The following AGBL4 variants were observed in gnomAD, a reference collection of about 807,000 sequenced individuals.
The protein encoded by AGBL4 is AGBL carboxypeptidase 4, also known as cytosolic carboxypeptidase 6.
In AGBL4, 58 loss-of-function variants were observed where a neutral mutation model predicts 66.4. The observed-to-expected ratio is 0.87, with a 90% confidence interval of 0.71 to 1.09. The LOEUF (loss-of-function observed/expected upper bound fraction) is 1.09, where lower values mean the gene tolerates loss of function less well. Ranked by LOEUF, AGBL4 falls within the 50% of genes least tolerant of loss-of-function variation. AGBL4 has a pLI of 0.00. For missense variants in AGBL4, 579 were observed against 631.0 expected, an observed-to-expected ratio of 0.92 and a Z score of 0.88; for synonymous variants, 234 against 222.9, an observed-to-expected ratio of 1.05 and a Z score of -0.44.
chr1:48,930,239 A>AT (rs200102639), intron 5 of AGBL4, among the ~76,000 whole-genome samples: 1 of 122,004 alleles, frequency 8.2e-6, no homozygotes, highest in African/African-American at 3.1e-5. Flanking sequence ...TTCAATTCAT[A>AT]ACTAGGCTTC....
chr1:48,570,204 C>T (rs1243501011), intron 11 of AGBL4, among the ~76,000 whole-genome samples: 1 of 152,238 alleles, frequency 6.6e-6, no homozygotes, highest in Non-Finnish European at 1.5e-5. Flanking sequence ...AGTAACTTTC[C>T]CTCAACAATC....
At chr1:48,842,628 A>G (rs1646830348) in intron 6 of AGBL4, among the ~76,000 whole-genome samples, 1 of 152,210 alleles carries the variant, frequency 6.6e-6, no homozygotes, top group African/African-American at 2.4e-5. Flanking sequence ...TCAGAAAATT[A>G]AAACGAACTG....
In AGBL4 at chr1:48,839,226, C is replaced by T. The variant is rs148392161; in HGVS notation, c.634+27965G>A. Among the ~76,000 whole-genome samples the T allele has an allele frequency of 1.1e-3, 165 of 152,234 alleles. 1 individual carries two copies. Among genetic ancestry groups the T allele is most frequent in the African/African-American group, 3.9e-3 (164 of 41,540 alleles). Reference sequence around the variant, plus strand: ...AGCATATTGAAGAGATAACTGCACTCCCATCTTATTGCAGCACTATTCATA... The same window carrying T: ...AGCATATTGAAGAGATAACTGCACTTCCATCTTATTGCAGCACTATTCATA... On this transcript the variant is annotated intron_variant, in intron 6 of 13. Transcript: ENST00000371839.
At position 49,723,825 on chromosome 1, in the gene AGBL4, A is replaced by G. The variant is rs538726427; in HGVS notation, c.158-26388T>C. ...CAACCCATGTAACTTTGGGCAAGTT[A>G]CTTAACCTCCATGAAATTCAGCTTT... is the stretch of plus-strand genomic sequence containing the variant. On this transcript the variant is annotated intron_variant, in intron 2 of 13. Coordinates refer to ENST00000371839, the MANE Select transcript of AGBL4 (RefSeq NM_032785.4). 4.6e-5 allele frequency among the ~76,000 whole-genome samples: 7 copies of G among 152,262 alleles called. No homozygotes were observed. In the South Asian group the frequency reaches 1.5e-3, roughly 32 times the overall value.
intron 2 of AGBL4, among the ~76,000 whole-genome samples, chr1:49,705,485 C>A (rs1408961188): frequency 6.6e-6 from 1 of 152,006 alleles, no homozygotes; most frequent in Non-Finnish European, 1.5e-5. Flanking sequence ...CATCTGCAAA[C>A]AGAGACAATT....
intron 3 of AGBL4, among the ~76,000 whole-genome samples, chr1:49,630,799 C>T (rs1363036887): frequency 6.6e-6 from 1 of 152,158 alleles, no homozygotes; most frequent in Non-Finnish European, 1.5e-5. Flanking sequence ...GATGGATCAC[C>T]TTTGCAGGCC....
At chr1:48,539,774 C>T in intron 11 of AGBL4, 36 bp from the exon 12 acceptor site, 1 of 1,355,634 alleles carries the variant, frequency 7.4e-7, no homozygotes, top group Non-Finnish European at 9.9e-7. Context: ...ACTTCGAAAA[C>T]AGATTGAGAC....
At chr1:48,836,718 C>T (rs958289358) in intron 6 of AGBL4, among the ~76,000 whole-genome samples, 5 of 152,056 alleles carry the variant, frequency 3.3e-5, no homozygotes, top group East Asian at 1.9e-4. Flanking sequence ...GGTGTCTTAA[C>T]ATGCCTTGTC....
chr1:49,642,475 A>C (rs1189892018), intron 3 of AGBL4, among the ~76,000 whole-genome samples: 1 of 152,006 alleles, frequency 6.6e-6, no homozygotes, highest in Non-Finnish European at 1.5e-5. Context: ...TAGCTAGTTC[A>C]AAAGGCACAC....
intron 3 of AGBL4, among the ~76,000 whole-genome samples, chr1:49,292,783 G>A (rs1214314536): frequency 6.6e-6 from 1 of 152,004 alleles, no homozygotes; most frequent in East Asian, 1.9e-4. Context: ...TGGCAGAGAG[G>A]AGCTACCCAC....
intron 4 of AGBL4, among the ~76,000 whole-genome samples, chr1:49,173,934 G>A (rs1275228521): frequency 2.6e-5 from 4 of 152,180 alleles, no homozygotes; most frequent in Non-Finnish European, 5.9e-5. Flanking sequence ...AACTGCTGCT[G>A]AGTGGTCAAG....
intron 5 of AGBL4, among the ~76,000 whole-genome samples, chr1:48,879,742 T>C (rs1351634206): frequency 6.6e-6 from 1 of 152,114 alleles, no homozygotes; most frequent in Admixed American, 6.5e-5. Context: ...ATTTTAGAGA[T>C]AAGGAAACTG....
intron 1 of AGBL4, among the ~76,000 whole-genome samples, chr1:49,928,423 G>T (rs1294906330): frequency 2.0e-5 from 3 of 151,880 alleles, no homozygotes; most frequent in Admixed American, 6.6e-5. Flanking sequence ...GCTAGTTTTT[G>T]TATTTTTAGT....
chr1:49,262,394 A>G (rs1265571921), intron 3 of AGBL4, among the ~76,000 whole-genome samples: 3 of 152,096 alleles, frequency 2.0e-5, no homozygotes, highest in East Asian at 1.9e-4. Context: ...GAAAATTTTC[A>G]CAACCTACTC....
intron 2 of AGBL4, among the ~76,000 whole-genome samples, chr1:49,819,961 T>A (rs1645325673): frequency 6.6e-6 from 1 of 152,126 alleles, no homozygotes; most frequent in South Asian, 2.1e-4. Flanking sequence ...CAGTAATAAA[T>A]GGCTTCGCAG....
intron 1 of AGBL4, 61 bp from the exon 2 acceptor site, chr1:49,851,579 T>C: frequency 1.3e-6 from 2 of 1,511,452 alleles, no homozygotes; most frequent in Non-Finnish European, 1.8e-6. Flanking sequence ...CTAGTCAGAT[T>C]TTTACTGTTA....
At chr1:49,078,810 A>G (rs1332375103) in intron 4 of AGBL4, among the ~76,000 whole-genome samples, 1 of 152,106 alleles carries the variant, frequency 6.6e-6, no homozygotes, top group Non-Finnish European at 1.5e-5. Context: ...TGCGCAATTC[A>G]GTCTATTCTA....
intron 1 of AGBL4, among the ~76,000 whole-genome samples, chr1:50,008,986 T>C (rs1204734203): frequency 1.3e-5 from 2 of 151,934 alleles, no homozygotes; most frequent in African/African-American, 4.8e-5. Context: ...CAATAACAAG[T>C]AATGAGGTAG....
intron 5 of AGBL4, among the ~76,000 whole-genome samples, chr1:48,933,934 G>T (rs2148906164): frequency 6.6e-6 from 1 of 152,280 alleles, no homozygotes; most frequent in South Asian, 2.1e-4. Context: ...GCATCTTCTT[G>T]GTTCCCCTTG....
Sources: gnomAD v4.1 joint callset for allele counts (sites outside exome capture counted in the v4.1 genomes callset) on GRCh38, gnomAD v4.1.1 for gene constraint, MANE v1.5 for transcripts, NCBI Gene and HGNC (gene_info 2026-07-23, HGNC 2026-07-21) for gene names.